The following AACS variants were observed in gnomAD, a reference collection of about 807,000 sequenced individuals.
The protein encoded by AACS is acetoacetyl-CoA synthetase.
In AACS, 69 loss-of-function variants were observed where a neutral mutation model predicts 83.1. The observed-to-expected ratio is 0.83, with a 90% CI of 0.68 to 1.01. AACS has a LOEUF of 1.01. Among genes scored for constraint, AACS ranks in the 50% least tolerant of loss-of-function variants. The pLI is 0.00. For synonymous variants in AACS, 333 were observed against 343.4 expected (o/e 0.97, Z 0.33); for missense variants, 866 against 882.2 (o/e 0.98, Z 0.23).
At chr12:125,108,696 C>T (rs555750991) in intron 8 of AACS, among the ~76,000 whole-genome samples, 9 of 151,632 alleles carry the variant, frequency 5.9e-5, no homozygotes, top group Non-Finnish European at 1.3e-4. Context: ...GAGATGGAGT[C>T]TTGATCTGTC....
At chr12:125,068,586 C>T (rs1955769085) in intron 1 of AACS, among the ~76,000 whole-genome samples, 1 of 152,182 alleles carries the variant, frequency 6.6e-6, no homozygotes, top group Non-Finnish European at 1.5e-5. Context: ...TGAGGCCCCT[C>T]CCTTTAGTTT....
At chr12:125,107,615 G>A (rs1956862513) in intron 8 of AACS, among the ~76,000 whole-genome samples, 1 of 152,170 alleles carries the variant, frequency 6.6e-6, no homozygotes, top group South Asian at 2.1e-4. Flanking sequence ...CTCAATAGGT[G>A]GGCCCTGCCA....
rs779094939 is a variant in AACS, at chr12:125,118,810, C to A, written c.1121+45C>A. The A allele has an allele frequency of 4.4e-6, 7 of 1,605,770 alleles. No homozygotes were observed. The South Asian group carries it at 7.8e-5, about 18-fold the overall frequency. On this transcript the variant is annotated intron_variant, in intron 10 of 17. Coordinates refer to ENST00000316519, the MANE Select transcript of AACS (RefSeq NM_023928.5). Reference sequence around the variant, plus strand: ...GCTCAAAGCAAGGGACAGGCAGCACCAGGAAGGCTCCTTGGGATCAGATGC... The same window carrying A: ...GCTCAAAGCAAGGGACAGGCAGCACAAGGAAGGCTCCTTGGGATCAGATGC...
rs144643268 is a variant in AACS, at chr12:125,088,433, A to G, written c.472+1990A>G. Among the ~76,000 whole-genome samples, 717 of 151,872 alleles carry G rather than the reference A, an allele frequency of 4.7e-3. 9 individuals are homozygous for G. The highest frequency in any genetic ancestry group is 0.017 in the African/African-American group (685 of 41,402). ...TTTTTGGTAAAGACAGGGTCTTGCTATGTTGTCCAGGCTGGTCTCAAACTT... is the reference window on the plus strand; with the variant it reads ...TTTTTGGTAAAGACAGGGTCTTGCTGTGTTGTCCAGGCTGGTCTCAAACTT... On this transcript the variant is annotated intron_variant, in intron 4 of 17. Transcript: ENST00000316519.
At position 125,136,812 on chromosome 12, in the gene AACS, G is replaced by A. The variant is rs773846020; in HGVS notation, c.1829G>A (p.Gly610Asp). Residue 610 changes from glycine (G) to aspartate (D), a missense_variant, in exon 17 of 18, where the codon GGC becomes GAC. By Grantham distance (94) the Gly-to-Asp change is moderately conservative (BLOSUM62 -1). Coordinates refer to ENST00000316519, the MANE Select transcript of AACS (RefSeq NM_023928.5). ...AGGATCCGTGACGCCATCCGCATGG[G>A]CTTGTCTGCGCGACACGTGCCCAGC... ...VKRIRDAIRM[G>D]LSARHVPSLI... is the part of the protein sequence containing the mutation. The A allele has an allele frequency of 7.6e-5, 122 of 1,613,846 alleles. No homozygotes were observed. The Middle Eastern group carries it at 1.5e-3, about 20-fold the overall frequency.
intron 2 of AACS, 65 bp downstream of exon 2, chr12:125,074,044 T>C: frequency 7.5e-7 from 1 of 1,327,670 alleles, no homozygotes; most frequent in Non-Finnish European, 1.1e-6. Flanking sequence ...GAAATGCTAA[T>C]TTTGGGGAAT....
At chr12:125,128,992 G>A (rs115168585) in intron 13 of AACS, 265 of 173,174 alleles carry the variant, frequency 1.5e-3, no homozygotes, top group African/African-American at 6.1e-3. Context: ...AGGAAGATGC[G>A]GGACACATAG....
Position 125,124,635 on chromosome 12 carries a change from T to G in AACS, c.1122-70T>G. ...TGCAAACTTGTCAGAAATAAATCAC[T>G]AACTTTAGAAAGCTTTGGTGCAAGA... On this transcript the variant is annotated intron_variant, in intron 10 of 17. Transcript: ENST00000316519. 3 of 1,580,068 alleles carry G rather than the reference T, an allele frequency of 1.9e-6. No homozygotes were observed. In the South Asian group the frequency reaches 3.4e-5, roughly 18 times the overall value.
intron 9 of AACS, 31 bp from the exon 10 acceptor site, chr12:125,118,610 C>T (rs765950276): frequency 1.3e-5 from 21 of 1,612,376 alleles, no homozygotes; most frequent in Admixed American, 3.3e-5. Flanking sequence ...GCCTAGCGCC[C>T]GCTGAAGCCG....
At chr12:125,139,411 G>T (rs1367469351) in intron 17 of AACS, 1 of 152,452 alleles carries the variant, frequency 6.6e-6, no homozygotes, top group Admixed American at 6.5e-5. Flanking sequence ...CTGTCACTTA[G>T]CTCTGGCCCC....
chr12:125,093,946 G>A (rs560052036), intron 5 of AACS, among the ~76,000 whole-genome samples: 3 of 152,342 alleles, frequency 2.0e-5, no homozygotes, highest in South Asian at 4.1e-4. Flanking sequence ...GCGTGGGAGG[G>A]CCTGCGTGGA....
At chr12:125,081,336 C>G (rs1054210356) in intron 3 of AACS, among the ~76,000 whole-genome samples, 10 of 152,188 alleles carry the variant, frequency 6.6e-5, no homozygotes, top group African/African-American at 2.4e-4. Context: ...CTTATAATTG[C>G]AGTGGGAATA....
rs1956031008 is a variant in AACS, at chr12:125,076,629, G to C, written c.358+18G>C. 2 of 1,613,478 alleles carry C rather than the reference G, an allele frequency of 1.2e-6. No individual in the cohort carries two copies. Among genetic ancestry groups the C allele is most frequent in the African/African-American group, 2.7e-5 (2 of 74,912 alleles). ...CATTGCAAGTAAGTCCTGATGGCGA[G>C]ACCTGGGATTTCCTCCGTGGAAGTT... is the stretch of plus-strand genomic sequence containing the variant. On this transcript the variant is annotated intron_variant, in intron 3 of 17. Coordinates refer to ENST00000316519, the MANE Select transcript of AACS (RefSeq NM_023928.5).
Position 125,102,798 on chromosome 12 carries a change from G to A in AACS, c.685+5G>A, listed in dbSNP as rs374103408. On this transcript the variant is annotated splice_donor_5th_base_variant and intron_variant, in intron 6 of 17. Coordinates refer to ENST00000316519, the MANE Select transcript of AACS (RefSeq NM_023928.5). ...AGCTGCAGCAGGTGGTTAAAGGTGT[G>A]TGGCCCTTCCGGCTCCCAGCCGGCA... is the stretch of plus-strand genomic sequence containing the variant. 2.9e-5 allele frequency: 46 copies of A among 1,613,486 alleles called. No homozygotes were observed. Among genetic ancestry groups the A allele is most frequent in the Non-Finnish European group, 3.7e-5 (44 of 1,179,522 alleles).
intron 17 of AACS, among the ~76,000 whole-genome samples, chr12:125,137,945 C>CT (rs1466146456): frequency 1.3e-5 from 2 of 152,238 alleles, no homozygotes; most frequent in African/African-American, 4.8e-5. Flanking sequence ...CCAGGAGAGT[C>CT]TGCTTCCTGG....
chr12:125,102,678 G>C lies in AACS; in HGVS notation c.571-1G>C. The C allele has an allele frequency of 6.2e-7, 1 of 1,613,748 alleles. No individual in the cohort carries two copies. Among genetic ancestry groups the C allele is most frequent in the Non-Finnish European group, 8.5e-7 (1 of 1,179,720 alleles). On this transcript the variant is annotated splice_acceptor_variant, in intron 5 of 17. Coordinates refer to ENST00000316519, the MANE Select transcript of AACS (RefSeq NM_023928.5). LOFTEE classifies it high-confidence loss of function. ...TGATGACTTTTTCCTCCTGCTTTCA[G>C]GGTGTGCTGGACCGGTTTTCTCAAA...
intron 1 of AACS, among the ~76,000 whole-genome samples, chr12:125,071,134 G>A (rs1955850621): frequency 6.6e-6 from 1 of 152,214 alleles, no homozygotes; most frequent in South Asian, 2.1e-4. Flanking sequence ...AGTTAGTGCT[G>A]GTGGTGGCAG....
intron 3 of AACS, among the ~76,000 whole-genome samples, chr12:125,083,158 A>G (rs1329735457): frequency 6.6e-6 from 1 of 152,224 alleles, no homozygotes; most frequent in African/African-American, 2.4e-5. Context: ...GGTTGCAGGC[A>G]TCTGAAGGCT....
At chr12:125,131,096 A>G (rs150047364) in intron 14 of AACS, among the ~76,000 whole-genome samples, 1 of 152,358 alleles carries the variant, frequency 6.6e-6, no homozygotes, top group Non-Finnish European at 1.5e-5. Context: ...TACCTTAAAA[A>G]ATGATGCCAG....
Sources: allele counts gnomAD v4.1 joint callset (sites outside exome capture counted in the v4.1 genomes callset), GRCh38; gene constraint gnomAD v4.1.1; transcripts MANE v1.5; gene names NCBI Gene and HGNC (gene_info 2026-07-23, HGNC 2026-07-21).